The following PRR16 variants were observed in gnomAD, a reference collection of about 807,000 sequenced individuals.
PRR16 encodes the protein proline rich 16, also known as protein Largen.
PRR16 carries 6 observed loss-of-function variants against 18.2 expected under a neutral mutation model. The ratio of observed to expected loss-of-function variants is 0.33; its 90% CI spans 0.18 to 0.65. The LOEUF (loss-of-function observed/expected upper bound fraction) is 0.65. Among genes scored for constraint, PRR16 ranks in the 30% least tolerant of loss-of-function variants. The pLI is 0.74. For missense variants in PRR16, 412 were observed against 376.6 expected, an observed-to-expected ratio of 1.09 and a Z score of -0.78; for synonymous variants, 151 against 147.8, an observed-to-expected ratio of 1.02 and a Z score of -0.16.
chr5:120,604,873 A>G (rs555900771), intron 1 of PRR16, among the ~76,000 whole-genome samples: 3 of 152,278 alleles, frequency 2.0e-5, no homozygotes, highest in African/African-American at 7.2e-5. Flanking sequence ...AATCTCTTCT[A>G]GCTAGTAAGG....
chr5:120,474,517 C>T (rs541075473), intron 1 of PRR16, among the ~76,000 whole-genome samples: 2 of 152,138 alleles, frequency 1.3e-5, no homozygotes, highest in South Asian at 4.1e-4. Context: ...TTGCTACCTA[C>T]CTTTTTCTTT....
At chr5:120,609,471 A>C (rs1754265529) in intron 1 of PRR16, among the ~76,000 whole-genome samples, 1 of 152,120 alleles carries the variant, frequency 6.6e-6, no homozygotes, top group Non-Finnish European at 1.5e-5. Flanking sequence ...TTCTTTTCAA[A>C]TTGTTTTGAG....
At chr5:120,728,483 C>T in the PRR16 span, among the ~76,000 whole-genome samples, 1 of 152,058 alleles carries the variant, frequency 6.6e-6, no homozygotes, top group Non-Finnish European at 1.5e-5. Context: ...AGGGTATTTT[C>T]TCCATTGATG....
chr5:120,538,098 T>C (rs537255994), intron 1 of PRR16, among the ~76,000 whole-genome samples: 1 of 152,210 alleles, frequency 6.6e-6, no homozygotes, highest in Non-Finnish European at 1.5e-5. Flanking sequence ...ATAAGCATAA[T>C]ATTAGAAGAT....
intron 1 of PRR16, among the ~76,000 whole-genome samples, chr5:120,478,338 G>A (rs1749506997): frequency 6.6e-6 from 1 of 152,060 alleles, no homozygotes. Flanking sequence ...TTTTGGATTG[G>A]CTGGCGGGAG....
At chr5:120,694,467 G>A in the PRR16 span, among the ~76,000 whole-genome samples, 6 of 152,112 alleles carry the variant, frequency 3.9e-5, no homozygotes, top group Admixed American at 3.9e-4. Flanking sequence ...GGCGGATCAC[G>A]AGGTCAGGAG....
rs369056289 is a variant in PRR16, at chr5:120,621,724, C to G, written c.160-64230C>G. Among the ~76,000 whole-genome samples the G allele has an allele frequency of 1.2e-4, 19 of 152,144 alleles. No individual in the cohort carries two copies. The East Asian group carries it at 3.1e-3, about 25-fold the overall frequency. ...TCTTCCTACTTTGTACTTTGGTTAGCACATCTCCTTTCTGCCACCTTGTAA... is the reference window on the plus strand; with the variant it reads ...TCTTCCTACTTTGTACTTTGGTTAGGACATCTCCTTTCTGCCACCTTGTAA... On this transcript the variant is annotated intron_variant, in intron 1 of 1. Transcript: ENST00000407149.
At chr5:120,502,685 A>G (rs147200707) in intron 1 of PRR16, among the ~76,000 whole-genome samples, 2 of 152,208 alleles carry the variant, frequency 1.3e-5, no homozygotes, top group Non-Finnish European at 2.9e-5. Context: ...ATTGGAGACA[A>G]TTTTCTTTTT....
chr5:120,731,151 A>T, the PRR16 span, among the ~76,000 whole-genome samples: 31 of 152,288 alleles, frequency 2.0e-4, no homozygotes, highest in Non-Finnish European at 3.7e-4. Context: ...GAATCTAACA[A>T]GTTCTGTGCA....
intron 1 of PRR16, among the ~76,000 whole-genome samples, chr5:120,509,502 T>C (rs189689691): frequency 2.7e-4 from 41 of 152,134 alleles, no homozygotes; most frequent in Non-Finnish European, 5.3e-4. Context: ...ATAAGAATGG[T>C]TAAGAAGGGC....
Position 120,562,136 on chromosome 5 carries a change from G to C in PRR16, c.159+97491G>C, listed in dbSNP as rs2112719011. The stretch of plus-strand genomic sequence containing the variant: ...ATCTCTCTCTTTGGCTCTAATCATA[G>C]TTGTTTTATATATCTGTGTGTTCCA... On this transcript the variant is annotated intron_variant, in intron 1 of 1. Coordinates refer to ENST00000407149, the MANE Select transcript of PRR16 (RefSeq NM_001300783.2). 1.3e-5 allele frequency among the ~76,000 whole-genome samples: 2 copies of C among 152,130 alleles called. 1 individual carries two copies. The highest frequency in any genetic ancestry group is 1.3e-4 in the Admixed American group (2 of 15,276).
the PRR16 span, among the ~76,000 whole-genome samples, chr5:120,784,471 AT>A: frequency 2.6e-5 from 4 of 152,154 alleles, no homozygotes; most frequent in Admixed American, 1.3e-4. Context: ...TGTTGAGCAT[AT>A]TTTGTATATG....
chr5:120,725,694 T>TG, the PRR16 span, among the ~76,000 whole-genome samples: 1 of 152,042 alleles, frequency 6.6e-6, no homozygotes, highest in African/African-American at 2.4e-5. Context: ...ATTTTCAGGC[T>TG]GTAGTTCTCA....
At chr5:120,522,173 T>TTACTGGGTATATAC (rs1751205410) in intron 1 of PRR16, among the ~76,000 whole-genome samples, 1 of 152,234 alleles carries the variant, frequency 6.6e-6, no homozygotes, top group South Asian at 2.1e-4. Flanking sequence ...TTATAATCCT[T>TTACTGGGTATATAC]TGGGTATATA....
At chr5:120,772,783 C>T in the PRR16 span, among the ~76,000 whole-genome samples, 1 of 152,090 alleles carries the variant, frequency 6.6e-6, no homozygotes, top group Non-Finnish European at 1.5e-5. Flanking sequence ...CACAAAACAT[C>T]TTCCATGGCT....
the PRR16 span, among the ~76,000 whole-genome samples, chr5:120,767,644 A>G: frequency 6.6e-6 from 1 of 151,904 alleles, no homozygotes; most frequent in Admixed American, 6.6e-5. Context: ...GTACTATTTC[A>G]CAACAGCCAA....
At chr5:120,553,374 C>T (rs1752316495) in intron 1 of PRR16, among the ~76,000 whole-genome samples, 1 of 151,884 alleles carries the variant, frequency 6.6e-6, no homozygotes, top group African/African-American at 2.4e-5. Context: ...TTATCAAACA[C>T]ATAATCTTTC....
At chr5:120,600,360 C>G (rs997150953) in intron 1 of PRR16, among the ~76,000 whole-genome samples, 2 of 151,760 alleles carry the variant, frequency 1.3e-5, no homozygotes, top group Admixed American at 6.6e-5. Context: ...ATTTTAAAAA[C>G]TTTCTCAAGG....
chr5:120,752,513 G>A, the PRR16 span, among the ~76,000 whole-genome samples: 4 of 151,882 alleles, frequency 2.6e-5, no homozygotes, highest in Non-Finnish European at 5.9e-5. Context: ...AGGCTTATTT[G>A]TGCTTAGACC....
Sources: gnomAD v4.1 joint callset for allele counts (sites outside exome capture counted in the v4.1 genomes callset) on GRCh38, gnomAD v4.1.1 for gene constraint, MANE v1.5 for transcripts, NCBI Gene and HGNC (gene_info 2026-07-23, HGNC 2026-07-21) for gene names.